Variants in NR3C2 observed in about 807,000 individuals in gnomAD.
NR3C2 encodes the protein nuclear receptor subfamily 3 group C member 2.
A neutral mutation model predicts 86.4 loss-of-function variants in NR3C2; 15 were observed. That is an observed-to-expected ratio of 0.17 (90% CI 0.12 to 0.27). The LOEUF is 0.27. Ranked by LOEUF, NR3C2 falls within the 10% of genes least tolerant of loss-of-function variation. The pLI, the probability that NR3C2 is intolerant of heterozygous loss-of-function variation, is 1.00. For missense variants in NR3C2, 960 were observed against 1,195.6 expected, an observed-to-expected ratio of 0.80 and a Z score of 2.91; for synonymous variants, 458 against 450.5, an observed-to-expected ratio of 1.02 and a Z score of -0.21.
chr4:148,377,724 A>G (rs1746749391), intron 2 of NR3C2, among the ~76,000 whole-genome samples: 1 of 152,218 alleles, frequency 6.6e-6, no homozygotes, highest in Admixed American at 6.5e-5. Context: ...TACTAAGTAG[A>G]GGAATCACCA....
chr4:148,273,829 A>G (rs1482043890), intron 2 of NR3C2, among the ~76,000 whole-genome samples: 2 of 152,220 alleles, frequency 1.3e-5, no homozygotes, highest in African/African-American at 2.4e-5. Flanking sequence ...TGGAAGGGCT[A>G]TCAGAAACCA....
At chr4:148,315,063 A>G (rs924131633) in intron 2 of NR3C2, among the ~76,000 whole-genome samples, 12 of 152,226 alleles carry the variant, frequency 7.9e-5, no homozygotes, top group Non-Finnish European at 1.3e-4. Flanking sequence ...AGATGTTATA[A>G]TAGTTCATTT....
intron 2 of NR3C2, among the ~76,000 whole-genome samples, chr4:148,299,229 T>G (rs905727956): frequency 6.6e-6 from 1 of 152,232 alleles, no homozygotes; most frequent in Non-Finnish European, 1.5e-5. Flanking sequence ...CAAAAAAGCC[T>G]GCATCGTTTT....
At chr4:148,234,132 T>A (rs1277795639) in intron 3 of NR3C2, among the ~76,000 whole-genome samples, 1 of 152,144 alleles carries the variant, frequency 6.6e-6, no homozygotes, top group Non-Finnish European at 1.5e-5. Context: ...CCAAAAGTAA[T>A]TTCAATGTGC....
intron 3 of NR3C2, among the ~76,000 whole-genome samples, chr4:148,202,174 T>C (rs1736755473): frequency 6.6e-6 from 1 of 152,162 alleles, no homozygotes; most frequent in Admixed American, 6.5e-5. Context: ...TGACATTTGC[T>C]CCTGCCCCAG....
In NR3C2 at chr4:148,436,855, C is replaced by G. The variant is rs780293956; in HGVS notation, c.6G>C (p.Glu2Asp). The G allele has an allele frequency of 1.9e-6, 3 of 1,607,898 alleles. No homozygotes were observed. Among genetic ancestry groups the G allele is most frequent in the Non-Finnish European group, 2.5e-6 (3 of 1,178,822 alleles). Residue 2 changes from glutamate to aspartate, a missense_variant, in exon 2 of 9, where the codon GAG (glutamate) becomes GAC (aspartate). Glu to Asp is a conservative substitution (Grantham distance 45). Coordinates refer to ENST00000358102, the MANE Select transcript of NR3C2 (RefSeq NM_000901.5). M[E>D]TKGYHSLPEG... ...CAGGGAGACTGTGGTAGCCTTTGGT[C>G]TCCATCGCTAACAAATAAATTTACA... is the stretch of plus-strand genomic sequence containing the variant.
intron 2 of NR3C2, among the ~76,000 whole-genome samples, chr4:148,335,125 A>T (rs1437157013): frequency 6.6e-6 from 1 of 152,178 alleles, no homozygotes; most frequent in Non-Finnish European, 1.5e-5. Context: ...TTGATATATT[A>T]GGTGTTAGGA....
rs571697700 is a variant in NR3C2 at position 148,099,852 on chromosome 4, CAT to C, written c.2799+14250_2799+14251del. On this transcript the variant is annotated intron_variant, in intron 8 of 8. Transcript: ENST00000358102. ...TGATTTAGATGTGATCTTCTAGAAA[CAT>C]AGCCTGTAGGACCTTCAGTGGTTTT... 1.6e-4 allele frequency among the ~76,000 whole-genome samples: 25 copies of C among 152,294 alleles called. No homozygotes were observed. The South Asian group carries it at 5.2e-3, about 32-fold the overall frequency.
intron 2 of NR3C2, among the ~76,000 whole-genome samples, chr4:148,286,722 TA>T (rs1045640639): frequency 2.6e-5 from 4 of 152,110 alleles, no homozygotes; most frequent in South Asian, 4.1e-4. Flanking sequence ...GATACAGGGT[TA>T]AAAAAATGCT....
intron 2 of NR3C2, among the ~76,000 whole-genome samples, chr4:148,332,308 T>C (rs1198663093): frequency 2.0e-5 from 3 of 152,234 alleles, no homozygotes; most frequent in Admixed American, 6.5e-5. Flanking sequence ...ATAGTACTTA[T>C]AATGATCACT....
intron 2 of NR3C2, among the ~76,000 whole-genome samples, chr4:148,410,789 A>G (rs1364412284): frequency 1.3e-5 from 2 of 152,144 alleles, no homozygotes; most frequent in East Asian, 3.9e-4. Context: ...TTTCTTACCT[A>G]AAATAATTGA....
intron 2 of NR3C2, among the ~76,000 whole-genome samples, chr4:148,317,450 T>C (rs1315383083): frequency 6.6e-6 from 1 of 152,108 alleles, no homozygotes; most frequent in Non-Finnish European, 1.5e-5. Context: ...CATTTTGTTT[T>C]CTTCATATCC....
intron 2 of NR3C2, among the ~76,000 whole-genome samples, chr4:148,314,044 A>G (rs562466073): frequency 2.3e-4 from 35 of 152,296 alleles, no homozygotes; most frequent in Non-Finnish European, 3.8e-4. Flanking sequence ...AGAACAGTAC[A>G]TGGCACTACA....
At chr4:148,287,510 T>C (rs577001785) in intron 2 of NR3C2, among the ~76,000 whole-genome samples, 445 of 152,356 alleles carry the variant, frequency 2.9e-3, no homozygotes, top group Non-Finnish European at 4.6e-3. Flanking sequence ...AAGAACACTT[T>C]AGTGAATACA....
intron 2 of NR3C2, among the ~76,000 whole-genome samples, chr4:148,407,093 A>C (rs2126553061): frequency 6.6e-6 from 1 of 152,330 alleles, no homozygotes; most frequent in Non-Finnish European, 1.5e-5. Flanking sequence ...CTACCGAGTA[A>C]ATTAAGCATA....
chr4:148,321,505 G>T (rs1452989807), intron 2 of NR3C2, among the ~76,000 whole-genome samples: 2 of 151,950 alleles, frequency 1.3e-5, no homozygotes, highest in African/African-American at 4.8e-5. Context: ...ATTAATGTGT[G>T]GGAGTCTAAG....
At chr4:148,314,943 TG>T (rs1262852841) in intron 2 of NR3C2, among the ~76,000 whole-genome samples, 1 of 152,190 alleles carries the variant, frequency 6.6e-6, no homozygotes, top group East Asian at 1.9e-4. Flanking sequence ...ACCGAAAACA[TG>T]TTCTACGAAC....
intron 2 of NR3C2, among the ~76,000 whole-genome samples, chr4:148,284,317 G>A (rs1264276734): frequency 6.6e-6 from 1 of 151,938 alleles, no homozygotes; most frequent in African/African-American, 2.4e-5. Flanking sequence ...ATAAATAGAG[G>A]GTTGGTCTTC....
At chr4:148,252,088 C>T (rs921008621) in intron 3 of NR3C2, among the ~76,000 whole-genome samples, 3 of 152,078 alleles carry the variant, frequency 2.0e-5, no homozygotes, top group East Asian at 1.9e-4. Context: ...ACTACATGCA[C>T]GACTCAGTGG....
Sources: allele counts gnomAD v4.1 joint callset (sites outside exome capture counted in the v4.1 genomes callset), GRCh38; gene constraint gnomAD v4.1.1; transcripts MANE v1.5; gene names NCBI Gene and HGNC (gene_info 2026-07-23, HGNC 2026-07-21).